Variants in RIMS2 observed in about 807,000 individuals in gnomAD.
RIMS2 encodes regulating synaptic membrane exocytosis protein 2.
Under a neutral mutation model 174.4 loss-of-function variants are expected in RIMS2, and 59 were observed. That is an observed-to-expected ratio of 0.34 (90% CI 0.27 to 0.42). The LOEUF is 0.42. Among genes scored for constraint, RIMS2 ranks in the 10% least tolerant of loss-of-function variants. The pLI, the probability that RIMS2 is intolerant of heterozygous loss-of-function variation, is 1.00. For missense variants in RIMS2, 1,620 were observed against 1,666.3 expected (o/e 0.97, Z 0.48); for synonymous variants, 606 against 572.5 (o/e 1.06, Z -0.84).
At chr8:103,618,711 T>G (rs2095561801) in intron 1 of RIMS2, among the ~76,000 whole-genome samples, 1 of 152,256 alleles carries the variant, frequency 6.6e-6, no homozygotes, top group East Asian at 1.9e-4. Flanking sequence ...CCTGTCATCT[T>G]CACACAGATG....
At chr8:104,145,754 T>C (rs1254107899) in intron 19 of RIMS2, among the ~76,000 whole-genome samples, 1 of 151,760 alleles carries the variant, frequency 6.6e-6, no homozygotes, top group Non-Finnish European at 1.5e-5. Flanking sequence ...TCCCAGCTAC[T>C]TGTGAGGCTG....
chr8:103,549,215 A>C (rs1846488238), intron 1 of RIMS2, among the ~76,000 whole-genome samples: 1 of 152,178 alleles, frequency 6.6e-6, no homozygotes, highest in African/African-American at 2.4e-5. Context: ...AAGGGCAGCC[A>C]GAGAGAATGG....
chr8:104,128,303 A>T (rs1265210698), intron 19 of RIMS2, among the ~76,000 whole-genome samples: 1 of 152,214 alleles, frequency 6.6e-6, no homozygotes, highest in Non-Finnish European at 1.5e-5. Context: ...TTAGTTGGAT[A>T]TTTGATCAAA....
intron 3 of RIMS2, among the ~76,000 whole-genome samples, chr8:103,878,122 T>C (rs1479055653): frequency 6.6e-6 from 1 of 151,702 alleles, no homozygotes; most frequent in African/African-American, 2.4e-5. Flanking sequence ...TTATAAATGG[T>C]AGTTTTTCCT....
chr8:103,792,854 C>T, intron 3 of RIMS2, among the ~76,000 whole-genome samples: 1 of 152,088 alleles, frequency 6.6e-6, no homozygotes, highest in East Asian at 1.9e-4. Flanking sequence ...AATTCCTGGA[C>T]ACATACACCT....
chr8:103,894,625 C>T (rs1364724351), intron 4 of RIMS2, among the ~76,000 whole-genome samples: 1 of 151,470 alleles, frequency 6.6e-6, no homozygotes, highest in Non-Finnish European at 1.5e-5. Context: ...TCAGTGGTAG[C>T]AGATGAAATT....
chr8:103,994,264 G>A (rs2094926333), intron 17 of RIMS2, among the ~76,000 whole-genome samples: 1 of 151,908 alleles, frequency 6.6e-6, no homozygotes, highest in Non-Finnish European at 1.5e-5. Flanking sequence ...TGTCTTTAAA[G>A]GTTATATTGC....
chr8:103,611,488 G>A lies in RIMS2; in HGVS notation c.177-85598G>A, dbSNP rs375062921. Reference sequence around the variant, plus strand: ...CCCTTTAGCATTTCTTATAGGATAGGTCTAGTGTTGATGCATCCCTCAGCC... The same window carrying A: ...CCCTTTAGCATTTCTTATAGGATAGATCTAGTGTTGATGCATCCCTCAGCC... On this transcript the variant is annotated intron_variant, in intron 1 of 23. Coordinates refer to ENST00000504942, the Ensembl canonical transcript of RIMS2. Among the ~76,000 whole-genome samples, 387 of 151,216 alleles carry A rather than the reference G, an allele frequency of 2.6e-3. 2 individuals are homozygous for A. The highest frequency in any genetic ancestry group is 0.013 in the South Asian group (60 of 4,798).
At chr8:103,550,439 G>A (rs1332942065) in intron 1 of RIMS2, among the ~76,000 whole-genome samples, 1 of 152,054 alleles carries the variant, frequency 6.6e-6, no homozygotes, top group Non-Finnish European at 1.5e-5. Context: ...ACCAGACTCT[G>A]GGACACATTT....
chr8:103,581,498 A>T (rs916099220), intron 1 of RIMS2, among the ~76,000 whole-genome samples: 1 of 152,058 alleles, frequency 6.6e-6, no homozygotes, highest in Admixed American at 6.5e-5. Flanking sequence ...GCCATATGTG[A>T]AAATCCCCCA....
At chr8:104,056,001 A>G (rs1391413555) in intron 19 of RIMS2, among the ~76,000 whole-genome samples, 1 of 152,186 alleles carries the variant, frequency 6.6e-6, no homozygotes, top group Non-Finnish European at 1.5e-5. Context: ...AATGTAATGA[A>G]TGCAGTACCA....
At chr8:103,774,781 G>C (rs929600866) in intron 3 of RIMS2, among the ~76,000 whole-genome samples, 2 of 152,128 alleles carry the variant, frequency 1.3e-5, no homozygotes, top group African/African-American at 4.8e-5. Context: ...ACTTTCTGGG[G>C]TGATGAAAAC....
At chr8:104,180,036 A>G (rs1158143660) in intron 19 of RIMS2, among the ~76,000 whole-genome samples, 4 of 151,770 alleles carry the variant, frequency 2.6e-5, no homozygotes, top group African/African-American at 9.7e-5. Context: ...GTACATAAAG[A>G]TCTATCTCAT....
At chr8:103,510,706 C>T (rs879315768) in intron 1 of RIMS2, among the ~76,000 whole-genome samples, 2 of 152,148 alleles carry the variant, frequency 1.3e-5, no homozygotes, top group Non-Finnish European at 2.9e-5. Context: ...TTGCATCTCT[C>T]TCTGCCCACG....
chr8:103,546,665 T>G (rs1452994308), intron 1 of RIMS2, among the ~76,000 whole-genome samples: 1 of 152,144 alleles, frequency 6.6e-6, no homozygotes, highest in Non-Finnish European at 1.5e-5. Context: ...CAAAAACACC[T>G]AAATCATACT....
intron 14 of RIMS2, among the ~76,000 whole-genome samples, chr8:103,949,815 A>G (rs1274086526): frequency 6.6e-6 from 1 of 152,138 alleles, no homozygotes; most frequent in Non-Finnish European, 1.5e-5. Flanking sequence ...TAAAGACAGA[A>G]AGTCAATTGA....
chr8:103,647,147 A>G (rs2096352750), intron 1 of RIMS2, among the ~76,000 whole-genome samples: 1 of 152,186 alleles, frequency 6.6e-6, no homozygotes, highest in Non-Finnish European at 1.5e-5. Flanking sequence ...TTATTTTTGT[A>G]CATTGAACCA....
chr8:103,518,104 G>A (rs966481764), intron 1 of RIMS2, among the ~76,000 whole-genome samples: 1 of 152,088 alleles, frequency 6.6e-6, no homozygotes, highest in Non-Finnish European at 1.5e-5. Flanking sequence ...GTGGGTATCA[G>A]GGACCTAATG....
intron 19 of RIMS2, among the ~76,000 whole-genome samples, chr8:104,242,838 A>T (rs1160646514): frequency 1.3e-5 from 2 of 152,200 alleles, no homozygotes; most frequent in Non-Finnish European, 2.9e-5. Flanking sequence ...ACTAAGTTTC[A>T]TCACTTGATT....
Sources: allele counts gnomAD v4.1 joint callset (sites outside exome capture counted in the v4.1 genomes callset), GRCh38; gene constraint gnomAD v4.1.1; transcripts MANE v1.5; gene names NCBI Gene and HGNC (gene_info 2026-07-23, HGNC 2026-07-21).